The following NRXN3 variants were observed in gnomAD, a reference collection of about 807,000 sequenced individuals.
The protein encoded by NRXN3 is neurexin 3.
In NRXN3, 32 loss-of-function variants were observed where a neutral mutation model predicts 137.6. That is an observed-to-expected ratio of 0.23 (90% CI 0.18 to 0.31). NRXN3 has a LOEUF of 0.31. NRXN3 is among the 10% of genes least tolerant of loss of function. The pLI is 1.00. For synonymous variants in NRXN3, 798 were observed against 784.5 expected (o/e 1.02, Z -0.29); for missense variants, 1,574 against 2,062.5 (o/e 0.76, Z 4.59).
intron 1 of NRXN3, among the ~76,000 whole-genome samples, chr14:78,233,260 A>G (rs2065702420): frequency 6.6e-6 from 1 of 152,202 alleles, no homozygotes; most frequent in East Asian, 1.9e-4. Flanking sequence ...ATCCAGAGGT[A>G]TCCATATGGT....
At chr14:79,050,768 C>T (rs952993105) in intron 15 of NRXN3, among the ~76,000 whole-genome samples, 3 of 152,208 alleles carry the variant, frequency 2.0e-5, no homozygotes, top group African/African-American at 7.2e-5. Flanking sequence ...AAGCCCCTGC[C>T]TCCACAGACT....
intron 1 of NRXN3, among the ~76,000 whole-genome samples, chr14:78,199,808 C>T (rs534390559): frequency 3.9e-5 from 6 of 152,348 alleles, no homozygotes; most frequent in Non-Finnish European, 7.3e-5. Flanking sequence ...CTGATGCGAG[C>T]AGCTGCCTTG....
At chr14:79,617,930 A>AAAAAAAAAAAAAAAGAAAAG (rs1385000688) in intron 16 of NRXN3, among the ~76,000 whole-genome samples, 4 of 148,734 alleles carry the variant, frequency 2.7e-5, no homozygotes, top group African/African-American at 1.0e-4. Context: ...AAAAAAAAAA[A>AAAAAAAAAAAAAAAGAAAAG]AACATGCTTA....
At chr14:79,782,307 T>C (rs2140118266) in intron 19 of NRXN3, among the ~76,000 whole-genome samples, 2 of 152,314 alleles carry the variant, frequency 1.3e-5, no homozygotes, top group Non-Finnish European at 2.9e-5. Flanking sequence ...TATAGTTTCA[T>C]GGAGTAAAAT....
At chr14:78,741,994 A>C (rs1444556038) in intron 8 of NRXN3, among the ~76,000 whole-genome samples, 1 of 152,150 alleles carries the variant, frequency 6.6e-6, no homozygotes, top group Admixed American at 6.5e-5. Flanking sequence ...TTGAACCCTT[A>C]CTTTGAGCTC....
intron 10 of NRXN3, among the ~76,000 whole-genome samples, chr14:78,855,977 C>A (rs2099056039): frequency 6.6e-6 from 1 of 152,168 alleles, no homozygotes; most frequent in African/African-American, 2.4e-5. Flanking sequence ...CTGGTCAAGC[C>A]ACTTTACCAT....
chr14:79,184,227 A>G (rs1325265004), intron 15 of NRXN3, among the ~76,000 whole-genome samples: 1 of 152,242 alleles, frequency 6.6e-6, no homozygotes, highest in Non-Finnish European at 1.5e-5. Context: ...CAAACAAGAT[A>G]TGAAATCTAC....
intron 15 of NRXN3, among the ~76,000 whole-genome samples, chr14:79,418,459 T>A (rs1202976784): frequency 1.3e-5 from 2 of 152,106 alleles, no homozygotes; most frequent in Non-Finnish European, 2.9e-5. Context: ...GGGCAATAAA[T>A]AACCATCCAC....
chr14:78,281,997 C>G (rs1454682340), intron 3 of NRXN3: 2 of 394,634 alleles, frequency 5.1e-6, no homozygotes, highest in Admixed American at 5.5e-5. Context: ...AGTATGGCCA[C>G]AAGCACATGG....
chr14:79,748,372 G>T (rs1435982600), intron 19 of NRXN3, among the ~76,000 whole-genome samples: 2 of 152,086 alleles, frequency 1.3e-5, no homozygotes, highest in African/African-American at 4.8e-5. Context: ...TTATTAAGCA[G>T]AAATATTGGA....
At chr14:79,714,726 C>G (rs1472058929) in intron 19 of NRXN3, among the ~76,000 whole-genome samples, 1 of 152,162 alleles carries the variant, frequency 6.6e-6, no homozygotes, top group African/African-American at 2.4e-5. Flanking sequence ...CTCTTTCTCT[C>G]TCTCCCTCAT....
chr14:78,256,434 A>G (rs1293253886), intron 2 of NRXN3, among the ~76,000 whole-genome samples: 2 of 152,258 alleles, frequency 1.3e-5, no homozygotes, highest in Non-Finnish European at 2.9e-5. Context: ...GGGGCACAGC[A>G]GGTGCCTTCG....
chr14:78,671,505 C>T (rs1009300217), intron 6 of NRXN3, among the ~76,000 whole-genome samples: 27 of 152,150 alleles, frequency 1.8e-4, no homozygotes, highest in African/African-American at 6.5e-4. Flanking sequence ...GTACCCCAAA[C>T]ATCAGCATCA....
chr14:78,902,807 A>G (rs2152748052), intron 10 of NRXN3, among the ~76,000 whole-genome samples: 1 of 151,914 alleles, frequency 6.6e-6, no homozygotes, highest in East Asian at 1.9e-4. Context: ...TTACCTAAAT[A>G]TAACATAGTT....
intron 15 of NRXN3, among the ~76,000 whole-genome samples, chr14:79,257,346 G>GTGA (rs2076716460): frequency 1.9e-5 from 1 of 53,998 alleles, no homozygotes; most frequent in Non-Finnish European, 3.7e-5. Context: ...CTTATTCCTG[G>GTGA]TGGTGGTGGT....
At chr14:78,971,508 T>C (rs898920886) in intron 14 of NRXN3, among the ~76,000 whole-genome samples, 3 of 151,948 alleles carry the variant, frequency 2.0e-5, no homozygotes, top group African/African-American at 7.2e-5. Flanking sequence ...TCCATCAAAG[T>C]CATTGACAAT....
intron 19 of NRXN3, among the ~76,000 whole-genome samples, chr14:79,746,049 T>C (rs2098978613): frequency 2.0e-5 from 3 of 152,160 alleles, no homozygotes; most frequent in Non-Finnish European, 2.9e-5. Context: ...GGATTAGAAC[T>C]TCAACATATG....
intron 15 of NRXN3, among the ~76,000 whole-genome samples, chr14:79,345,191 A>T (rs1278174182): frequency 6.6e-6 from 1 of 152,154 alleles, no homozygotes; most frequent in African/African-American, 2.4e-5. Context: ...GGCACTGAGC[A>T]TTTAAAGCAA....
At chr14:78,765,598 C>T (rs967334379) in intron 8 of NRXN3, among the ~76,000 whole-genome samples, 4 of 152,138 alleles carry the variant, frequency 2.6e-5, no homozygotes, top group African/African-American at 4.8e-5. Flanking sequence ...TCTGTTTCTC[C>T]TGCTAGAGTC....
Sources: gnomAD v4.1 joint callset for allele counts (sites outside exome capture counted in the v4.1 genomes callset) on GRCh38, gnomAD v4.1.1 for gene constraint, MANE v1.5 for transcripts, NCBI Gene and HGNC (gene_info 2026-07-23, HGNC 2026-07-21) for gene names.